The following TBC1D5 variants were observed in gnomAD, a reference collection of about 807,000 sequenced individuals.
TBC1D5 encodes TBC1 domain family, member 5.
TBC1D5 carries 75 observed loss-of-function variants against 100.3 expected under a neutral mutation model. That is an observed-to-expected ratio of 0.75 (90% CI 0.62 to 0.91). TBC1D5 has a LOEUF of 0.91. TBC1D5 is among the 40% of genes least tolerant of loss of function. TBC1D5 has a pLI of 0.00. For missense variants in TBC1D5, 910 were observed against 942.4 expected, an observed-to-expected ratio of 0.97 and a Z score of 0.45; for synonymous variants, 323 against 325.6, an observed-to-expected ratio of 0.99 and a Z score of 0.09.
chr3:17,628,298 G>A (rs1250778947), intron 1 of TBC1D5, among the ~76,000 whole-genome samples: 1 of 151,882 alleles, frequency 6.6e-6, no homozygotes, highest in African/African-American at 2.4e-5. Context: ...GAACCCAGGA[G>A]GTAGAGGCTG....
rs1364823095 is a variant in TBC1D5, at chr3:17,678,671, A to T, written c.-100-54758T>A. Among the ~76,000 whole-genome samples, 6 of 37,800 alleles carry T rather than the reference A, an allele frequency of 1.6e-4. No homozygotes were observed. In the East Asian group the frequency reaches 0.12, roughly 727 times the overall value. 24.8% of individuals were successfully genotyped at this position (37,800 alleles called of 152,430 possible). On this transcript the variant is annotated intron_variant, in intron 1 of 21. Transcript: ENST00000253692. The stretch of plus-strand genomic sequence containing the variant: ...AACTGAGGGAAAAAGAGGGATAAAA[A>T]AAAAAAAAAAAAAAAACAGGAAAAG...
rs368021022 is a variant in TBC1D5, at chr3:17,574,350, G to A, written c.-36+49499C>T. The stretch of plus-strand genomic sequence containing the variant: ...TGCTTTGTACTGTTGATTATAATAG[G>A]TCACTACTGTCACCAACAGGGCACC... On this transcript the variant is annotated intron_variant, in intron 2 of 21. Transcript: ENST00000253692. Among the ~76,000 whole-genome samples, 3 of 152,002 alleles carry A rather than the reference G, an allele frequency of 2.0e-5. No homozygotes were observed. In the East Asian group the frequency reaches 5.8e-4, roughly 29 times the overall value.
chr3:17,592,754 A>G (rs2060312283), intron 2 of TBC1D5, among the ~76,000 whole-genome samples: 2 of 152,142 alleles, frequency 1.3e-5, no homozygotes. Context: ...TAGAGATGCT[A>G]TTTGGAGCCT....
At chr3:17,663,671 C>G (rs987477033) in intron 1 of TBC1D5, among the ~76,000 whole-genome samples, 8 of 152,036 alleles carry the variant, frequency 5.3e-5, no homozygotes, top group African/African-American at 1.9e-4. Flanking sequence ...ACCCTTCTAA[C>G]CAGTAAGTCC....
At chr3:17,618,965 A>G (rs2153642827) in intron 2 of TBC1D5, among the ~76,000 whole-genome samples, 1 of 152,256 alleles carries the variant, frequency 6.6e-6, no homozygotes, top group Non-Finnish European at 1.5e-5. Flanking sequence ...AAATGCAGAT[A>G]TCACCCGTCT....
At chr3:17,741,113 C>T (rs1192047734), upstream of TBC1D5, among the ~76,000 whole-genome samples, 1 of 152,154 alleles carries the variant, frequency 6.6e-6, no homozygotes, top group African/African-American at 2.4e-5. Flanking sequence ...ACAAGTTATC[C>T]ACTTCCTTGC....
chr3:17,723,376 C>T (rs2075854913), intron 1 of TBC1D5, among the ~76,000 whole-genome samples: 1 of 151,988 alleles, frequency 6.6e-6, no homozygotes, highest in African/African-American at 2.4e-5. Context: ...ATTAATAGAG[C>T]AAGACTTAAA....
chr3:17,400,946 G>C (rs1023719034), intron 8 of TBC1D5, among the ~76,000 whole-genome samples: 5 of 152,050 alleles, frequency 3.3e-5, no homozygotes, highest in African/African-American at 1.2e-4. Flanking sequence ...TACTTTTAAG[G>C]TGTTGGGACT....
chr3:17,577,330 G>T (rs1318767084), intron 2 of TBC1D5, among the ~76,000 whole-genome samples: 1 of 151,958 alleles, frequency 6.6e-6, no homozygotes, highest in East Asian at 1.9e-4. Context: ...TTTAAAGACA[G>T]TAACATTTAC....
chr3:17,529,528 G>A (rs1056174989), intron 2 of TBC1D5, among the ~76,000 whole-genome samples: 4 of 152,072 alleles, frequency 2.6e-5, no homozygotes, highest in African/African-American at 9.7e-5. Context: ...GATGGAAGCA[G>A]GGGTGTTTAC....
At chr3:17,517,751 A>T (rs2096009543) in intron 2 of TBC1D5, among the ~76,000 whole-genome samples, 1 of 152,186 alleles carries the variant, frequency 6.6e-6, no homozygotes, top group South Asian at 2.1e-4. Flanking sequence ...ATACAAATAC[A>T]AACATGATAT....
At chr3:17,509,835 A>G (rs2095882949) in intron 2 of TBC1D5, among the ~76,000 whole-genome samples, 1 of 152,090 alleles carries the variant, frequency 6.6e-6, no homozygotes, top group African/African-American at 2.4e-5. Flanking sequence ...ATAACTACCT[A>G]CATTTCCTTT....
intron 15 of TBC1D5, among the ~76,000 whole-genome samples, chr3:17,276,685 C>G (rs1162377190): frequency 6.6e-6 from 1 of 152,138 alleles, no homozygotes; most frequent in Non-Finnish European, 1.5e-5. Flanking sequence ...GTAAAAGAAC[C>G]AGAACATTTC....
chr3:17,278,891 A>G (rs2149842146), intron 15 of TBC1D5, among the ~76,000 whole-genome samples: 2 of 152,372 alleles, frequency 1.3e-5, no homozygotes, highest in South Asian at 4.1e-4. Flanking sequence ...ATTATTAACC[A>G]TGTGAGAAAT....
chr3:17,638,211 T>C (rs764425396), intron 1 of TBC1D5, among the ~76,000 whole-genome samples: 1 of 152,158 alleles, frequency 6.6e-6, no homozygotes, highest in Admixed American at 6.5e-5. Context: ...TATAATTCAA[T>C]TGATTATAGT....
At chr3:17,654,690 G>C (rs2065892506) in intron 1 of TBC1D5, among the ~76,000 whole-genome samples, 1 of 152,130 alleles carries the variant, frequency 6.6e-6, no homozygotes, top group Non-Finnish European at 1.5e-5. Context: ...GAGTTAGGGA[G>C]GATTCCCTCT....
intron 3 of TBC1D5, among the ~76,000 whole-genome samples, chr3:17,495,436 T>G (rs1026592851): frequency 2.0e-5 from 3 of 152,244 alleles, no homozygotes; most frequent in African/African-American, 7.2e-5. Flanking sequence ...CTGGATTGCT[T>G]TTATCTCCTT....
At chr3:17,456,149 A>C (rs1236983334) in intron 3 of TBC1D5, among the ~76,000 whole-genome samples, 4 of 152,176 alleles carry the variant, frequency 2.6e-5, no homozygotes, top group Non-Finnish European at 5.9e-5. Context: ...AAATCAAATA[A>C]AAACATGATT....
chr3:17,417,367 G>C (rs1054531552), intron 4 of TBC1D5, among the ~76,000 whole-genome samples: 1 of 127,884 alleles, frequency 7.8e-6, no homozygotes, highest in Non-Finnish European at 1.5e-5. Context: ...ACAGTAACCA[G>C]AGTGTGATGT....
Sources: allele counts gnomAD v4.1 joint callset (sites outside exome capture counted in the v4.1 genomes callset), GRCh38; gene constraint gnomAD v4.1.1; transcripts MANE v1.5; gene names NCBI Gene and HGNC (gene_info 2026-07-23, HGNC 2026-07-21).